The following TRIOBP variants were observed in gnomAD, a reference collection of about 807,000 sequenced individuals.
The protein encoded by TRIOBP is TRIO and F-actin binding protein, also known as TRIO and F-actin-binding protein.
A neutral mutation model predicts 238.8 loss-of-function variants in TRIOBP; 169 were observed. That is an observed-to-expected ratio of 0.71 (90% CI 0.62 to 0.80). The LOEUF is 0.80. Ranked by LOEUF, TRIOBP falls within the 30% of genes least tolerant of loss-of-function variation. TRIOBP has a pLI of 0.00. For synonymous variants in TRIOBP, 1,150 were observed against 1,274.4 expected, an observed-to-expected ratio of 0.90 and a Z score of 2.08; for missense variants, 2,838 against 3,122.6, an observed-to-expected ratio of 0.91 and a Z score of 2.17.
intron 11 of TRIOBP, chr22:37,746,475 G>A: frequency 1.5e-6 from 2 of 1,353,208 alleles, no homozygotes; most frequent in Non-Finnish European, 1.9e-6. Flanking sequence ...GCGACGACCC[G>A]AGGCAGAGCC....
intron 5 of TRIOBP, among the ~76,000 whole-genome samples, chr22:37,714,162 A>C (rs1261752473): frequency 6.6e-6 from 1 of 152,086 alleles, no homozygotes; most frequent in Non-Finnish European, 1.5e-5. Flanking sequence ...CACATCTGGG[A>C]AGTAGTGGGG....
Position 37,725,116 on chromosome 22 carries a change from A to C in TRIOBP, c.2560A>C (p.Thr854Pro), listed in dbSNP as rs1391903879. The C allele has an allele frequency of 6.2e-7, 1 of 1,613,998 alleles. No individual in the cohort carries two copies. Among genetic ancestry groups the C allele is most frequent in the African/African-American group, 1.3e-5 (1 of 74,906 alleles). ...ACCCACTTGTACACAGCGGGACCGCACACAGTCCTTTTCCTTTCAACGAGA... is the reference window on the plus strand; with the variant it reads ...ACCCACTTGTACACAGCGGGACCGCCCACAGTCCTTTTCCTTTCAACGAGA... ...LRPTCTQRDR[T>P]QSFSFQRDNP... Residue 854 changes from threonine to proline, a missense_variant, in exon 7 of 24, where the codon ACA becomes CCA. Thr to Pro is a conservative substitution (Grantham distance 38). Transcript: ENST00000644935.
intron 11 of TRIOBP, chr22:37,746,435 C>A: frequency 7.0e-7 from 1 of 1,424,142 alleles, no homozygotes; most frequent in South Asian, 1.3e-5. Flanking sequence ...GTGCCCCAGT[C>A]AGCCGCCCGC....
rs768292561 is a variant in TRIOBP, at chr22:37,725,929, C to T, written c.3373C>T (p.Pro1125Ser). Reference protein sequence around the residue: ...GYRDAPRASSPPRQAPEPSLL... With the variant: ...GYRDAPRASSSPRQAPEPSLL... ...CCGAGATGCACCCCGGGCCTCCTCC[C>T]CACCACGCCAGGCCCCAGAGCCTTC... The change falls in exon 7 of 24, where the codon CCA (proline) becomes TCA (serine). Residue 1125 changes from proline (P) to serine (S), a missense_variant. By Grantham distance (74) the Pro-to-Ser change is moderately conservative (BLOSUM62 -1). This residue lies in a region of TRIOBP where 2,096 missense variants were observed against 2,137.4 expected (regional missense o/e 0.98). Transcript: ENST00000644935. The T allele has an allele frequency of 2.5e-6, 4 of 1,613,786 alleles. No homozygotes were observed. In the South Asian group the frequency reaches 4.4e-5, roughly 18 times the overall value.
rs1601612601 is a variant in TRIOBP at position 37,697,618 on chromosome 22, T to A, written c.-139T>A. The A allele has an allele frequency of 6.6e-6, 1 of 152,424 alleles. No homozygotes were observed. Among genetic ancestry groups the A allele is most frequent in the East Asian group, 1.9e-4 (1 of 5,178 alleles). 9.4% of individuals were successfully genotyped at this position (152,424 alleles called of 1,614,324 possible). A position where few individuals can be genotyped will look rare whatever the true frequency, so the allele number is the denominator to read the frequency against. On this transcript the variant is annotated 5_prime_UTR_variant, in exon 2 of 24. Coordinates refer to ENST00000644935, the MANE Select transcript of TRIOBP (RefSeq NM_001039141.3). The stretch of plus-strand genomic sequence containing the variant: ...ATGATGGAGGAGCCTTGGCCCTGGC[T>A]GTCCCAGGGGAGGAGGTGAAATTCC...
At position 37,710,514 on chromosome 22, in the gene TRIOBP, A is replaced by G. The variant is rs200529550; in HGVS notation, c.202A>G (p.Thr68Ala). 3.1e-4 allele frequency: 501 copies of G among 1,611,602 alleles called. No homozygotes were observed. Among genetic ancestry groups the G allele is most frequent in the African/African-American group, 1.5e-3 (110 of 74,964 alleles). The change falls in exon 4 of 24, where the codon ACC (threonine) becomes GCC (alanine). Residue 68 changes from threonine (T) to alanine (A), a missense_variant. Around this residue, in one of 5 missense-constraint regions of TRIOBP, gnomAD observed 535 missense variants for 537.3 expected, o/e 1.00. Coordinates refer to ENST00000644935, the MANE Select transcript of TRIOBP (RefSeq NM_001039141.3). ...PAPEDPLSAS[T>A]SGCQSVVDPG... ...CCCTGAGGACCCACTCAGCGCCTCAACCTCCGGCTGCCAGTCTGTGGTGGA... is the reference window on the plus strand; with the variant it reads ...CCCTGAGGACCCACTCAGCGCCTCAGCCTCCGGCTGCCAGTCTGTGGTGGA...
intron 22 of TRIOBP, among the ~76,000 whole-genome samples, 183 bp from the exon 23 acceptor site, chr22:37,772,418 C>T (rs1926828859): frequency 6.6e-6 from 1 of 152,100 alleles, no homozygotes; most frequent in Non-Finnish European, 1.5e-5. Context: ...CGCCTGTGTC[C>T]CTGGGTGGTA....
chr22:37,716,862 G>C (rs1923548247), intron 6 of TRIOBP, among the ~76,000 whole-genome samples: 1 of 152,242 alleles, frequency 6.6e-6, no homozygotes, highest in African/African-American at 2.4e-5. Flanking sequence ...TTAAGAGACT[G>C]TTGCAGGCAC....
At chr22:37,754,742 A>C in intron 12 of TRIOBP, 135 bp from the exon 13 acceptor site, 1 of 822,608 alleles carries the variant, frequency 1.2e-6, no homozygotes, top group Non-Finnish European at 2.1e-6. Context: ...TCAGAGAGGA[A>C]ATGGAGGGGC....
chr22:37,710,872 G>A (rs1923202596), intron 4 of TRIOBP, among the ~76,000 whole-genome samples: 1 of 152,206 alleles, frequency 6.6e-6, no homozygotes, highest in Non-Finnish European at 1.5e-5. Context: ...CTTTGCCCCA[G>A]GGTGTGTGGC....
chr22:37,758,250 C>T, intron 16 of TRIOBP, 112 bp downstream of exon 16: 1 of 1,370,066 alleles, frequency 7.3e-7, no homozygotes. Context: ...GGAGCTCACC[C>T]CTGATCTGCT....
At chr22:37,738,834 GC>G in intron 10 of TRIOBP, 115 bp downstream of exon 10, 1 of 1,097,612 alleles carries the variant, frequency 9.1e-7, no homozygotes, top group Non-Finnish European at 1.4e-6. Context: ...AGTTGGCATT[GC>G]CATGGGGTCA....
chr22:37,717,334 C>T (rs996679732), intron 6 of TRIOBP, among the ~76,000 whole-genome samples: 5 of 152,148 alleles, frequency 3.3e-5, no homozygotes, highest in Non-Finnish European at 7.3e-5. Flanking sequence ...TTGCAAAGAG[C>T]GAAAGAACAA....
intron 3 of TRIOBP, among the ~76,000 whole-genome samples, chr22:37,707,904 TG>T (rs1338159265): frequency 7.2e-6 from 1 of 138,848 alleles, no homozygotes; most frequent in Non-Finnish European, 1.5e-5. Context: ...ATCGCGCCAT[TG>T]CACTCCAGCC....
At chr22:37,715,515 T>C (rs1208580996) in intron 5 of TRIOBP, among the ~76,000 whole-genome samples, 1 of 151,822 alleles carries the variant, frequency 6.6e-6, no homozygotes, top group Non-Finnish European at 1.5e-5. Context: ...GCTAATTTTT[T>C]GTATTTTTTA....
chr22:37,755,664 G>A lies in TRIOBP; in HGVS notation c.5687+5G>A, dbSNP rs762532241. On this transcript the variant is annotated splice_donor_5th_base_variant and intron_variant, in intron 15 of 23. Coordinates refer to ENST00000644935, the MANE Select transcript of TRIOBP (RefSeq NM_001039141.3). ...TTCAGCCCCAGATGTCACCAAGTAC[G>A]TACTAAGCTGGACTGGGGCCTTGAG... The A allele has an allele frequency of 1.7e-5, 28 of 1,613,610 alleles. No individual in the cohort carries two copies. The highest frequency in any genetic ancestry group is 2.2e-5 in the South Asian group (2 of 91,058).
intron 6 of TRIOBP, among the ~76,000 whole-genome samples, chr22:37,718,132 G>C (rs947766555): frequency 2.6e-5 from 4 of 152,160 alleles, no homozygotes; most frequent in Non-Finnish European, 5.9e-5. Context: ...CGGCCGCTCC[G>C]AGTGCGGGGC....
Position 37,725,828 on chromosome 22 carries a change from C to T in TRIOBP, c.3272C>T (p.Thr1091Ile), listed in dbSNP as rs750855263. Residue 1091 changes from threonine (T) to isoleucine (I), a missense_variant, in exon 7 of 24, where the codon ACA becomes ATA. Coordinates refer to ENST00000644935, the MANE Select transcript of TRIOBP (RefSeq NM_001039141.3). Reference sequence around the variant, plus strand: ...GACCCCTTCCCCTTCCTCCCAGACACATCAGATGCCGAGCATCAGTGTCAG... The same window carrying T: ...GACCCCTTCCCCTTCCTCCCAGACATATCAGATGCCGAGCATCAGTGTCAG... ...QFDPFPFLPDTSDAEHQCQSP... is the reference protein window; with the variant it reads ...QFDPFPFLPDISDAEHQCQSP... The T allele has an allele frequency of 1.2e-6, 2 of 1,611,796 alleles. No individual in the cohort carries two copies. The highest frequency in any genetic ancestry group is 1.7e-5 in the Admixed American group (1 of 59,848).
rs1924121847 is a variant in TRIOBP, at chr22:37,725,881, C to A, written c.3325C>A (p.Pro1109Thr). ...CCCCCAACACGAGCCCCTTCAGCTC[C>A]CTGCACCTGTGTGTATTGGGTACCG... is the stretch of plus-strand genomic sequence containing the variant. ...QSPQHEPLQL[P>T]APVCIGYRDA... The change falls in exon 7 of 24, where the codon CCT (proline) becomes ACT (threonine). Residue 1109 changes from proline (P) to threonine (T), a missense_variant. By Grantham distance (38) the Pro-to-Thr change is conservative (BLOSUM62 -1). This residue lies in a region of TRIOBP where 2,096 missense variants were observed against 2,137.4 expected (regional missense o/e 0.98). Coordinates refer to ENST00000644935, the MANE Select transcript of TRIOBP (RefSeq NM_001039141.3). 2 of 1,613,600 alleles carry A rather than the reference C, an allele frequency of 1.2e-6. No individual in the cohort carries two copies. Among genetic ancestry groups the A allele is most frequent in the Middle Eastern group, 1.6e-4 (1 of 6,062 alleles).
Sources: gnomAD v4.1 joint callset for allele counts (sites outside exome capture counted in the v4.1 genomes callset) on GRCh38, gnomAD v4.1.1 for gene constraint, gnomAD v4.1.1 regional missense constraint, MANE v1.5 for transcripts, NCBI Gene and HGNC (gene_info 2026-07-23, HGNC 2026-07-21) for gene names.